The following CYFIP1 variants were observed in gnomAD, a reference collection of about 807,000 sequenced individuals.
CYFIP1 encodes the protein cytoplasmic FMR1 interacting protein 1.
Under a neutral mutation model 163.5 loss-of-function variants are expected in CYFIP1, and 58 were observed. The ratio of observed to expected loss-of-function variants is 0.35; its 90% CI spans 0.29 to 0.44. The LOEUF (loss-of-function observed/expected upper bound fraction) is 0.44, where lower values mean the gene tolerates loss of function less well. CYFIP1 is among the 20% of genes least tolerant of loss of function. The pLI is 1.00. For missense variants in CYFIP1, 1,338 were observed against 1,653.8 expected (o/e 0.81, Z 3.31); for synonymous variants, 663 against 660.7 (o/e 1.00, Z -0.05).
chr15:22,906,082 T>C (rs1477366616), intron 21 of CYFIP1, among the ~76,000 whole-genome samples: 1 of 151,886 alleles, frequency 6.6e-6, no homozygotes, highest in Admixed American at 6.6e-5. Context: ...AAACTTTCTT[T>C]TTTCCAATAA....
chr15:22,976,575 T>TACATACAAAA (rs1455775349), intron 1 of CYFIP1, among the ~76,000 whole-genome samples: 11,288 of 152,194 alleles, frequency 0.074, 554 homozygotes, highest in Non-Finnish European at 0.11. Context: ...CCTCCAAAAA[T>TACATACAAAA]AGGTGAGTGC....
intron 16 of CYFIP1, 115 bp downstream of exon 16, chr15:22,916,362 G>T: frequency 1.3e-6 from 1 of 780,678 alleles, no homozygotes; most frequent in Non-Finnish European, 2.1e-6. Flanking sequence ...ACGAGTCACC[G>T]TCTGGGTGCA....
At chr15:22,944,433 A>G in intron 5 of CYFIP1, 125 bp downstream of exon 5, 1 of 662,770 alleles carries the variant, frequency 1.5e-6, no homozygotes, top group Non-Finnish European at 2.6e-6. Flanking sequence ...CTTTTGTCTC[A>G]GAAACTGGTT....
intron 1 of CYFIP1, among the ~76,000 whole-genome samples, chr15:22,953,699 AC>A (rs1254823161): frequency 2.0e-5 from 3 of 152,176 alleles, no homozygotes. Flanking sequence ...AATTAAAGTC[AC>A]GTATTTGGAA....
chr15:22,937,313 G>A (rs751583963), intron 8 of CYFIP1, 105 bp from the exon 9 acceptor site: 4 of 691,882 alleles, frequency 5.8e-6, no homozygotes, highest in Non-Finnish European at 1.0e-5. Flanking sequence ...GGCACAATTT[G>A]AAATAGATCA....
intron 8 of CYFIP1, among the ~76,000 whole-genome samples, chr15:22,937,971 CA>C (rs1050728863): frequency 2.6e-5 from 4 of 152,146 alleles, no homozygotes; most frequent in Non-Finnish European, 5.9e-5. Flanking sequence ...GGCTCATGGC[CA>C]GGGCTCCCAC....
intron 13 of CYFIP1, 52 bp from the exon 14 acceptor site, chr15:22,918,910 C>T (rs372168576): frequency 9.1e-6 from 13 of 1,433,142 alleles, no homozygotes; most frequent in African/African-American, 2.8e-5. Context: ...GGCACCAAGC[C>T]TCCTCTGCCT....
chr15:22,958,539 A>T (rs903476735), intron 1 of CYFIP1, among the ~76,000 whole-genome samples: 3 of 152,208 alleles, frequency 2.0e-5, no homozygotes, highest in African/African-American at 7.2e-5. Flanking sequence ...CCTGAAAGAG[A>T]GCACGTCTCC....
At chr15:22,969,082 A>G (rs948558896) in intron 1 of CYFIP1, among the ~76,000 whole-genome samples, 1 of 152,160 alleles carries the variant, frequency 6.6e-6, no homozygotes, top group Admixed American at 6.5e-5. Context: ...AATTTTGGCT[A>G]TGGAATCAGG....
chr15:22,947,431 T>C, intron 1 of CYFIP1, 140 bp from the exon 2 acceptor site: 1 of 1,215,214 alleles, frequency 8.2e-7, no homozygotes, highest in Non-Finnish European at 1.1e-6. Flanking sequence ...GCATGATCAG[T>C]CCTTGGGAGT....
intron 23 of CYFIP1, 38 bp from the exon 24 acceptor site, chr15:22,883,049 G>A (rs369603451): frequency 6.1e-5 from 98 of 1,598,580 alleles, no homozygotes; most frequent in East Asian, 9.0e-5. Flanking sequence ...CATGGTCCCC[G>A]CACACATGTG....
intron 11 of CYFIP1, among the ~76,000 whole-genome samples, chr15:22,928,497 G>A (rs1398786775): frequency 2.0e-5 from 3 of 152,220 alleles, no homozygotes; most frequent in East Asian, 1.9e-4. Flanking sequence ...GGCCAAGGGC[G>A]TGCTGCAGAG....
In CYFIP1 at chr15:22,939,240, G is replaced by T. The variant is rs764436554; in HGVS notation, c.747C>A (p.Tyr249Ter). The T allele has an allele frequency of 6.2e-7, 1 of 1,614,170 alleles. No individual in the cohort carries two copies. Among genetic ancestry groups the T allele is most frequent in the Admixed American group, 1.7e-5 (1 of 60,016 alleles). ...ADIVNLCVDY[Y>*]ENRMYLTPSE... ...TGGGCGTCAAATACATCCTGTTCTCGTAGTAATCCACACACAGATTCACAA... is the reference window on the plus strand; with the variant it reads ...TGGGCGTCAAATACATCCTGTTCTCTTAGTAATCCACACACAGATTCACAA... The change falls in exon 8 of 31, where the codon TAC becomes TAA. Residue 249 changes from tyrosine (Y) to a stop codon, truncating the protein, a stop_gained. Transcript: ENST00000617928. LOFTEE classifies it high-confidence loss of function.
intron 22 of CYFIP1, 125 bp downstream of exon 22, chr15:22,903,581 A>G (rs1278390393): frequency 4.9e-6 from 5 of 1,017,386 alleles, no homozygotes; most frequent in South Asian, 4.3e-5. Flanking sequence ...CGTGCTCTTC[A>G]TGTGAGAAGT....
chr15:22,949,141 G>T (rs2062159901), intron 1 of CYFIP1, among the ~76,000 whole-genome samples: 1 of 152,220 alleles, frequency 6.6e-6, no homozygotes, highest in African/African-American at 2.4e-5. Flanking sequence ...GAACACTAAA[G>T]ATAAAGGAAA....
At chr15:22,904,661 C>T (rs998845106) in intron 21 of CYFIP1, 1 of 152,212 alleles carries the variant, frequency 6.6e-6, no homozygotes, top group African/African-American at 2.4e-5. Flanking sequence ...GACTTGTGTT[C>T]TATTTCTATT....
intron 1 of CYFIP1, among the ~76,000 whole-genome samples, chr15:22,972,011 C>T (rs1013817336): frequency 8.6e-5 from 12 of 139,802 alleles, no homozygotes; most frequent in African/African-American, 3.0e-4. Context: ...TATCAAAATA[C>T]CTACCATATT....
In CYFIP1 at chr15:22,926,060, G is replaced by T. The variant is rs544084062; in HGVS notation, c.1281C>A (p.Asp427Glu). The change falls in exon 13 of 31, where the codon GAC becomes GAA. Residue 427 changes from aspartate (D) to glutamate (E), a missense_variant. Asp to Glu is a conservative substitution (Grantham distance 45). Around this residue, in one of 4 missense-constraint regions of CYFIP1, gnomAD observed 824 missense variants for 995.7 expected, o/e 0.83. Coordinates refer to ENST00000617928, the MANE Select transcript of CYFIP1 (RefSeq NM_014608.6). ...CGTACTCTTCAGCGCTGTCGGGGCAGTCCTTGTTGGAGTACTTGTCGGTGG... is the reference window on the plus strand; with the variant it reads ...CGTACTCTTCAGCGCTGTCGGGGCATTCCTTGTTGGAGTACTTGTCGGTGG... ...VHPTDKYSNK[D>E]CPDSAEEYER... is the part of the protein sequence containing the mutation. The T allele has an allele frequency of 6.2e-7, 1 of 1,614,216 alleles. No homozygotes were observed. Among genetic ancestry groups the T allele is most frequent in the South Asian group, 1.1e-5 (1 of 91,082 alleles).
chr15:22,949,667 G>T (rs1478244775), intron 1 of CYFIP1, among the ~76,000 whole-genome samples: 1 of 152,004 alleles, frequency 6.6e-6, no homozygotes, highest in Non-Finnish European at 1.5e-5. Flanking sequence ...ATATTTCTAG[G>T]TATATAATTG....
Sources: allele counts gnomAD v4.1 joint callset (sites outside exome capture counted in the v4.1 genomes callset), GRCh38; gene constraint gnomAD v4.1.1; regional missense constraint gnomAD v4.1.1; transcripts MANE v1.5; gene names NCBI Gene and HGNC (gene_info 2026-07-23, HGNC 2026-07-21).